The following GABBR2 variants were observed in gnomAD, a reference collection of about 807,000 sequenced individuals.
GABBR2 encodes gamma-aminobutyric acid type B receptor subunit 2.
Under a neutral mutation model 105.6 loss-of-function variants are expected in GABBR2, and 23 were observed. The observed-to-expected ratio is 0.22, with a 90% CI of 0.16 to 0.31. GABBR2 has a LOEUF of 0.31. Ranked by LOEUF, GABBR2 falls within the 10% of genes least tolerant of loss-of-function variation. The probability of loss-of-function intolerance (pLI) is 1.00; values close to 1 mark genes in which losing one functional copy is unlikely to be tolerated. For missense variants in GABBR2, 734 were observed against 1,245.5 expected, an observed-to-expected ratio of 0.59 and a Z score of 6.18; for synonymous variants, 478 against 499.7, an observed-to-expected ratio of 0.96 and a Z score of 0.58.
chr9:98,444,799 TGA>T (rs1414685584), intron 7 of GABBR2, among the ~76,000 whole-genome samples: 1 of 152,138 alleles, frequency 6.6e-6, no homozygotes, highest in Non-Finnish European at 1.5e-5. Flanking sequence ...GAGTAAGGGA[TGA>T]GTTTTTATGC....
At chr9:98,524,003 C>CA (rs36062176) in intron 3 of GABBR2, among the ~76,000 whole-genome samples, 126,150 of 151,934 alleles carry the variant, frequency 0.83, 52,826 homozygotes, top group East Asian at 0.94. Context: ...GGGCCTATAA[C>CA]AAAAAAACAG....
intron 11 of GABBR2, among the ~76,000 whole-genome samples, chr9:98,377,774 G>A (rs542467588): frequency 2.6e-5 from 4 of 152,278 alleles, no homozygotes; most frequent in Admixed American, 1.3e-4. Flanking sequence ...CTGGAAGGGA[G>A]TTGGGGGTGG....
intron 7 of GABBR2, among the ~76,000 whole-genome samples, chr9:98,409,764 T>G (rs1284092656): frequency 1.3e-5 from 2 of 152,212 alleles, no homozygotes; most frequent in East Asian, 3.9e-4. Context: ...CGAGGTCCCC[T>G]GGGATTGGCT....
At chr9:98,310,326 G>A (rs1265632080) in intron 14 of GABBR2, among the ~76,000 whole-genome samples, 14 of 151,742 alleles carry the variant, frequency 9.2e-5, no homozygotes, top group African/African-American at 1.9e-4. Context: ...TCGGCCCACC[G>A]CAACCTCTGC....
At chr9:98,327,384 C>A (rs377412594) in intron 13 of GABBR2, among the ~76,000 whole-genome samples, 1 of 152,008 alleles carries the variant, frequency 6.6e-6, no homozygotes, top group East Asian at 1.9e-4. Context: ...GGCTCCTTGG[C>A]CCCTCCAGCA....
intron 6 of GABBR2, among the ~76,000 whole-genome samples, chr9:98,456,217 C>T (rs1826323827): frequency 6.6e-6 from 1 of 152,148 alleles, no homozygotes; most frequent in Non-Finnish European, 1.5e-5. Context: ...TCTCTTTAAA[C>T]CTTTTGGGTC....
At chr9:98,417,943 T>C (rs939338144) in intron 7 of GABBR2, among the ~76,000 whole-genome samples, 3 of 151,934 alleles carry the variant, frequency 2.0e-5, no homozygotes, top group African/African-American at 7.3e-5. Context: ...CAAGAGACAG[T>C]GTGGCTCTTT....
chr9:98,544,734 C>G (rs546404407), intron 2 of GABBR2, among the ~76,000 whole-genome samples: 3 of 152,220 alleles, frequency 2.0e-5, no homozygotes, highest in East Asian at 3.9e-4. Context: ...ATTTGCATGG[C>G]CATGTATGTG....
intron 13 of GABBR2, among the ~76,000 whole-genome samples, chr9:98,322,657 TCAGTCCATCATCTCTCCTCCTATGACA>T (rs1232562223): frequency 3.9e-4 from 57 of 146,964 alleles, no homozygotes; most frequent in African/African-American, 1.4e-3. Context: ...CAGCCATGAG[TCAGTCCATCATCTCTCCTCCTATGACA>T]CAGTCCATCA....
intron 1 of GABBR2, chr9:98,607,313 T>C (rs544360048): frequency 1.5e-5 from 12 of 806,492 alleles, no homozygotes; most frequent in South Asian, 1.4e-4. Flanking sequence ...TAGCGTTGTT[T>C]ATACTTCATT....
intron 2 of GABBR2, among the ~76,000 whole-genome samples, chr9:98,575,299 C>T (rs1037440578): frequency 1.4e-4 from 22 of 152,138 alleles, no homozygotes; most frequent in Non-Finnish European, 1.8e-4. Flanking sequence ...ACTTGATACA[C>T]TGGGTATAGG....
At chr9:98,602,896 A>G (rs556081509) in intron 1 of GABBR2, among the ~76,000 whole-genome samples, 173 of 152,332 alleles carry the variant, frequency 1.1e-3, no homozygotes, top group African/African-American at 3.9e-3. Context: ...AGGAGCAGAC[A>G]TGGCCTGGGT....
At chr9:98,430,419 G>T (rs1418366825) in intron 7 of GABBR2, among the ~76,000 whole-genome samples, 1 of 151,962 alleles carries the variant, frequency 6.6e-6, no homozygotes, top group African/African-American at 2.4e-5. Context: ...GACCAGAGCT[G>T]CCTTTAGTCT....
intron 1 of GABBR2, among the ~76,000 whole-genome samples, chr9:98,636,057 A>C (rs190654630): frequency 1.2e-4 from 18 of 152,256 alleles, no homozygotes; most frequent in Admixed American, 1.2e-3. Context: ...CGCAGATCTC[A>C]CCTGGGAAGT....
chr9:98,418,657 G>A (rs1486147549), intron 7 of GABBR2, among the ~76,000 whole-genome samples: 1 of 152,226 alleles, frequency 6.6e-6, no homozygotes, highest in Non-Finnish European at 1.5e-5. Context: ...AAGCCTTAAA[G>A]ATACCCCGGA....
intron 9 of GABBR2, among the ~76,000 whole-genome samples, chr9:98,389,788 G>A (rs1046219977): frequency 5.3e-5 from 8 of 152,110 alleles, no homozygotes; most frequent in Admixed American, 3.3e-4. Flanking sequence ...AGGGATTCAG[G>A]GACTCCCCCA....
intron 9 of GABBR2, among the ~76,000 whole-genome samples, chr9:98,389,799 G>T (rs968110392): frequency 6.6e-6 from 1 of 152,178 alleles, no homozygotes; most frequent in African/African-American, 2.4e-5. Flanking sequence ...GACTCCCCCA[G>T]CTTCCTGCGA....
chr9:98,606,450 G>A (rs1829422076), intron 1 of GABBR2, among the ~76,000 whole-genome samples: 1 of 151,446 alleles, frequency 6.6e-6, no homozygotes, highest in Non-Finnish European at 1.5e-5. Context: ...TGGCACATCA[G>A]AAGCACTGTG....
At chr9:98,648,097 GTGTGTGTGTGTGTGTGTGT>G in intron 1 of GABBR2, among the ~76,000 whole-genome samples, 1 of 84,526 alleles carries the variant, frequency 1.2e-5, no homozygotes. Flanking sequence ...GTGTGTGTGT[GTGTGTGTGTGTGTGTGTGT>G]ATAGATAGAT....
Sources: gnomAD v4.1 joint callset for allele counts (sites outside exome capture counted in the v4.1 genomes callset) on GRCh38, gnomAD v4.1.1 for gene constraint, MANE v1.5 for transcripts, NCBI Gene and HGNC (gene_info 2026-07-23, HGNC 2026-07-21) for gene names.